CTNNA3: variants seen among roughly 807,000 people sequenced by gnomAD.
CTNNA3 encodes the protein catenin alpha-3.
CTNNA3 carries 76 observed loss-of-function variants against 95.7 expected under a neutral mutation model. The observed-to-expected ratio is 0.79, with a 90% CI of 0.66 to 0.96. CTNNA3 has a LOEUF of 0.96. Ranked by LOEUF, CTNNA3 falls within the 40% of genes least tolerant of loss-of-function variation. CTNNA3 has a pLI of 0.00. For missense variants in CTNNA3, 1,191 were observed against 1,089.8 expected (o/e 1.09, Z -1.31); for synonymous variants, 431 against 374.4 (o/e 1.15, Z -1.74).
intron 13 of CTNNA3, among the ~76,000 whole-genome samples, chr10:66,147,453 T>C (rs1417351213): frequency 6.6e-6 from 1 of 152,088 alleles, no homozygotes; most frequent in Non-Finnish European, 1.5e-5. Flanking sequence ...TCTCATTTTA[T>C]CCAGGTGTTT....
intron 12 of CTNNA3, among the ~76,000 whole-genome samples, chr10:66,346,649 A>G (rs1270651530): frequency 6.6e-6 from 1 of 152,128 alleles, no homozygotes; most frequent in Non-Finnish European, 1.5e-5. Flanking sequence ...ATTTTGTATG[A>G]CCAGTAATGA....
chr10:66,451,018 A>G (rs914087572), intron 11 of CTNNA3, among the ~76,000 whole-genome samples: 3 of 152,166 alleles, frequency 2.0e-5, no homozygotes, highest in African/African-American at 7.2e-5. Flanking sequence ...TAACAATAGT[A>G]GATATCATCT....
intron 1 of CTNNA3, among the ~76,000 whole-genome samples, chr10:67,711,472 T>C (rs781711354): frequency 2.3e-4 from 35 of 152,336 alleles, no homozygotes; most frequent in Middle Eastern, 3.4e-3. Flanking sequence ...GCTCTTGTTA[T>C]GTTTTAGCAA....
intron 12 of CTNNA3, among the ~76,000 whole-genome samples, chr10:66,337,228 A>C (rs1419661437): frequency 6.6e-6 from 1 of 152,166 alleles, no homozygotes. Context: ...AAATATCAAT[A>C]AATTTAATCT....
chr10:66,094,609 T>A (rs529200099), intron 14 of CTNNA3, among the ~76,000 whole-genome samples: 3 of 152,222 alleles, frequency 2.0e-5, no homozygotes, highest in Non-Finnish European at 4.4e-5. Context: ...TGTAAAACCA[T>A]CTCCTGTTAT....
chr10:67,206,925 G>A (rs78614532), intron 6 of CTNNA3, among the ~76,000 whole-genome samples: 22 of 152,152 alleles, frequency 1.4e-4, no homozygotes, highest in South Asian at 1.0e-3. Flanking sequence ...GAGGTCAGGC[G>A]TTCGAGACCA....
At chr10:66,789,726 T>C (rs1337162373) in intron 7 of CTNNA3, among the ~76,000 whole-genome samples, 2 of 152,128 alleles carry the variant, frequency 1.3e-5, no homozygotes, top group African/African-American at 4.8e-5. Flanking sequence ...ATATTGTGTA[T>C]GAAGTAGTTA....
intron 13 of CTNNA3, among the ~76,000 whole-genome samples, chr10:66,210,752 AAAC>A (rs1159218395): frequency 6.6e-6 from 1 of 152,234 alleles, no homozygotes; most frequent in Non-Finnish European, 1.5e-5. Flanking sequence ...CAAATGGAGT[AAAC>A]AACAAAAAAC....
chr10:66,026,747 T>C (rs2079347949), intron 15 of CTNNA3, among the ~76,000 whole-genome samples: 1 of 152,142 alleles, frequency 6.6e-6, no homozygotes, highest in Non-Finnish European at 1.5e-5. Context: ...ATCTTATTGG[T>C]CATCTTATTG....
At chr10:67,182,517 C>T (rs1328377337) in intron 6 of CTNNA3, among the ~76,000 whole-genome samples, 2 of 152,110 alleles carry the variant, frequency 1.3e-5, no homozygotes, top group Middle Eastern at 3.4e-3. Context: ...CCCTTCCTTA[C>T]ACCTTATACA....
In CTNNA3 at chr10:67,703,545, T is replaced by G. The variant is rs541904091; in HGVS notation, c.-1-56031A>C. Among the ~76,000 whole-genome samples, 576 of 152,338 alleles carry G rather than the reference T, an allele frequency of 3.8e-3. 3 individuals carry two copies. The highest frequency in any genetic ancestry group is 0.014 in the Middle Eastern group (4 of 294). ...AAAACCACATGATTATCTCAATAGA[T>G]GCAGAAAAGGCTTTTGACAAAATTC... On this transcript the variant is annotated intron_variant, in intron 1 of 17. Transcript: ENST00000684154.
chr10:66,746,335 GA>G (rs1459748624), intron 9 of CTNNA3, among the ~76,000 whole-genome samples: 1 of 152,036 alleles, frequency 6.6e-6, no homozygotes, highest in Non-Finnish European at 1.5e-5. Context: ...ACCTAGTTTA[GA>G]CCTAGGTACA....
chr10:67,568,306 C>G (rs1396354804), intron 3 of CTNNA3, among the ~76,000 whole-genome samples: 5 of 151,390 alleles, frequency 3.3e-5, no homozygotes, highest in Non-Finnish European at 7.4e-5. Context: ...ACCATTACTT[C>G]CAGAAATGAT....
intron 7 of CTNNA3, among the ~76,000 whole-genome samples, chr10:66,965,557 A>G (rs1849363430): frequency 2.7e-5 from 2 of 74,348 alleles, no homozygotes; most frequent in Non-Finnish European, 5.5e-5. Flanking sequence ...AAGAAAAAAA[A>G]AAAAGCTGTT....
chr10:67,026,614 T>A lies in CTNNA3; in HGVS notation c.1047+153703A>T, dbSNP rs1054691090. Among the ~76,000 whole-genome samples the A allele has an allele frequency of 3.3e-5, 5 of 152,174 alleles. 1 individual carries two copies. Among genetic ancestry groups the A allele is most frequent in the African/African-American group, 1.2e-4 (5 of 41,454 alleles). On this transcript the variant is annotated intron_variant, in intron 7 of 17. Transcript: ENST00000433211. The stretch of plus-strand genomic sequence containing the variant: ...TATCTCTCAAGAAAGAACAGTCTTC[T>A]GAACATTCATATTGAAGGAAAAGGA...
In CTNNA3 at chr10:67,432,371, C is replaced by A. The variant is rs543342816; in HGVS notation, c.579+89471G>T. Among the ~76,000 whole-genome samples, 10 of 152,102 alleles carry A rather than the reference C, an allele frequency of 6.6e-5. No individual in the cohort carries two copies. In the South Asian group the frequency reaches 1.9e-3, roughly 28 times the overall value. On this transcript the variant is annotated intron_variant, in intron 5 of 17. Transcript: ENST00000433211. ...AGGCTGCTTAAACAAATTGCTACAACCTTTGTAGCTTAAAACAACGTAAAT... is the reference window on the plus strand; with the variant it reads ...AGGCTGCTTAAACAAATTGCTACAAACTTTGTAGCTTAAAACAACGTAAAT...
chr10:66,579,773 AT>A (rs962837138), intron 10 of CTNNA3, among the ~76,000 whole-genome samples: 2 of 151,396 alleles, frequency 1.3e-5, no homozygotes, highest in Non-Finnish European at 3.0e-5. Context: ...AGTTGACAAA[AT>A]TTTTTCTTTC....
chr10:66,964,873 T>G (rs1334475956), intron 7 of CTNNA3, among the ~76,000 whole-genome samples: 3 of 152,100 alleles, frequency 2.0e-5, no homozygotes, highest in Non-Finnish European at 2.9e-5. Context: ...AAGTCACAAC[T>G]CAAAATTAAA....
chr10:67,248,150 T>C (rs10823014), intron 5 of CTNNA3, among the ~76,000 whole-genome samples: 47,632 of 151,634 alleles, frequency 0.31, 13,253 homozygotes, highest in African/African-American at 0.75. Flanking sequence ...GGCAAAACCG[T>C]ATCTTAATTA....
Sources: gnomAD v4.1 joint callset for allele counts (sites outside exome capture counted in the v4.1 genomes callset) on GRCh38, gnomAD v4.1.1 for gene constraint, MANE v1.5 for transcripts, NCBI Gene and HGNC (gene_info 2026-07-23, HGNC 2026-07-21) for gene names.